Variants in CUBN observed in about 807,000 individuals in gnomAD.
The protein encoded by CUBN is cubilin.
CUBN carries 282 observed loss-of-function variants against 405.3 expected under a neutral mutation model. The observed-to-expected ratio is 0.70, with a 90% confidence interval of 0.63 to 0.77. CUBN has a LOEUF of 0.77. Ranked by LOEUF, CUBN falls within the 30% of genes least tolerant of loss-of-function variation. CUBN has a pLI of 0.00. For missense variants in CUBN, 4,514 were observed against 4,475.2 expected, an observed-to-expected ratio of 1.01 and a Z score of -0.25; for synonymous variants, 1,684 against 1,617.0, an observed-to-expected ratio of 1.04 and a Z score of -0.99.
chr10:16,910,720 C>G (rs765929674), intron 48 of CUBN, among the ~76,000 whole-genome samples: 1 of 151,340 alleles, frequency 6.6e-6, no homozygotes, highest in Admixed American at 6.6e-5. Flanking sequence ...GAAAACTGAC[C>G]CCAAATGAGC....
chr10:16,956,083 G>A (rs1843056050), intron 31 of CUBN, among the ~76,000 whole-genome samples: 1 of 152,200 alleles, frequency 6.6e-6, no homozygotes, highest in Admixed American at 6.5e-5. Flanking sequence ...TTAAAAATCT[G>A]GTGATGATTA....
At chr10:16,839,469 T>C (rs1280878451) in intron 62 of CUBN, among the ~76,000 whole-genome samples, 2 of 151,236 alleles carry the variant, frequency 1.3e-5, no homozygotes, top group South Asian at 2.1e-4. Context: ...GAAAAAATGC[T>C]CATCATCACT....
chr10:16,888,384 T>A (rs1388917702), intron 56 of CUBN, 33 bp downstream of exon 56: 1 of 1,568,204 alleles, frequency 6.4e-7, no homozygotes, highest in East Asian at 2.3e-5. Context: ...TGTTTGTCAA[T>A]TAAACGTAAT....
Position 16,913,890 on chromosome 10 carries a change from G to C in CUBN, c.7454C>G (p.Pro2485Arg). 4 of 1,614,084 alleles carry C rather than the reference G, an allele frequency of 2.5e-6. No individual in the cohort carries two copies. The highest frequency in any genetic ancestry group is 3.4e-6 in the Non-Finnish European group (4 of 1,180,014). Residue 2485 changes from proline to arginine, a missense_variant, in exon 48 of 67, where the codon CCG becomes CGG. By Grantham distance (103) the Pro-to-Arg change is moderately radical. Around this residue, in one of 5 missense-constraint regions of CUBN, gnomAD observed 1,613 missense variants for 1,542.8 expected, o/e 1.05. Transcript: ENST00000377833. ...GRICEWRITA[P>R]EGRRITLMFN... ...CATTAGGGTGATCCGCCTTCCCTCCGGGGCAGTGATTCTCCACTCGCAGAT... is the reference window on the plus strand; with the variant it reads ...CATTAGGGTGATCCGCCTTCCCTCCCGGGCAGTGATTCTCCACTCGCAGAT...
At chr10:16,825,628 A>AGTGTGT (rs377156071) in intron 66 of CUBN, among the ~76,000 whole-genome samples, 10,440 of 135,818 alleles carry the variant, frequency 0.077, 443 homozygotes, top group African/African-American at 0.1. Context: ...TCTGTGGAAC[A>AGTGTGT]GTGTGTGTGT....
intron 9 of CUBN, among the ~76,000 whole-genome samples, chr10:17,110,483 G>A (rs1242496727): frequency 6.6e-6 from 1 of 152,072 alleles, no homozygotes; most frequent in African/African-American, 2.4e-5. Context: ...CACAAGATAA[G>A]CAAAACTTTC....
intron 28 of CUBN, among the ~76,000 whole-genome samples, chr10:16,993,848 T>C (rs1387156881): frequency 2.0e-5 from 3 of 152,150 alleles, no homozygotes; most frequent in Non-Finnish European, 1.5e-5. Context: ...AGGAAAAATA[T>C]TGTATGATCA....
chr10:17,050,108 T>C (rs1564494573), intron 22 of CUBN, among the ~76,000 whole-genome samples: 1 of 152,236 alleles, frequency 6.6e-6, no homozygotes, highest in East Asian at 1.9e-4. Context: ...ACCCCTAAAC[T>C]CCAATCCTAC....
chr10:17,041,078 T>C lies in CUBN; in HGVS notation c.3972A>G (p.Ala1324=). Residue 1324 remains alanine, a synonymous_variant, in exon 27 of 67, where the codon GCA becomes GCG. Transcript: ENST00000377833. ...TGNTVNYTFL[A]FDLEHHINCS... ...AGTTTATGTGATGTTCCAAGTCAAA[T>C]GCTAAAAATGTGTAGTTCACAGTGT... The C allele has an allele frequency of 1.2e-6, 2 of 1,613,832 alleles. No homozygotes were observed. The highest frequency in any genetic ancestry group is 1.7e-6 in the Non-Finnish European group (2 of 1,179,772).
chr10:17,035,819 G>C (rs890580266), intron 27 of CUBN, among the ~76,000 whole-genome samples: 1 of 141,334 alleles, frequency 7.1e-6, no homozygotes, highest in Non-Finnish European at 1.6e-5. Flanking sequence ...GGAAACAGCA[G>C]GCACTGGGGC....
rs138031354 is a variant in CUBN at position 16,912,905 on chromosome 10, C to G, written c.7533+906G>C. 1.4e-4 allele frequency among the ~76,000 whole-genome samples: 21 copies of G among 152,312 alleles called. No homozygotes were observed. In the East Asian group the frequency reaches 3.5e-3, roughly 25 times the overall value. On this transcript the variant is annotated intron_variant, in intron 48 of 66. Coordinates refer to ENST00000377833, the MANE Select transcript of CUBN (RefSeq NM_001081.4). ...TGATCCGATTGAGGTTTAAAACCAT[C>G]ACATGCTGCTGTGTTGAGAACGTAG...
intron 59 of CUBN, among the ~76,000 whole-genome samples, chr10:16,863,138 C>T (rs988076920): frequency 2.6e-5 from 4 of 152,156 alleles, no homozygotes; most frequent in African/African-American, 9.7e-5. Context: ...TTCTTTATCC[C>T]GTTCCCACAT....
intron 22 of CUBN, among the ~76,000 whole-genome samples, chr10:17,065,083 T>C (rs976246056): frequency 1.3e-5 from 2 of 151,730 alleles, no homozygotes; most frequent in Non-Finnish European, 2.9e-5. Flanking sequence ...AGATTTATTA[T>C]GTATTTGTAT....
At chr10:17,002,434 G>A (rs746304159) in intron 28 of CUBN, among the ~76,000 whole-genome samples, 17 of 150,226 alleles carry the variant, frequency 1.1e-4, no homozygotes, top group Admixed American at 8.8e-4. Context: ...GATTTGGGAA[G>A]GTCATGGTGG....
intron 28 of CUBN, among the ~76,000 whole-genome samples, chr10:17,013,131 A>G (rs1340122135): frequency 1.3e-5 from 2 of 152,138 alleles, no homozygotes; most frequent in Admixed American, 6.5e-5. Flanking sequence ...CTTTTAAAGG[A>G]ATAGGGTACA....
At chr10:17,014,295 G>A (rs1834265023) in intron 28 of CUBN, among the ~76,000 whole-genome samples, 1 of 152,182 alleles carries the variant, frequency 6.6e-6, no homozygotes, top group African/African-American at 2.4e-5. Context: ...GAAAAGTTTT[G>A]TCCTGTGGGA....
intron 27 of CUBN, among the ~76,000 whole-genome samples, chr10:17,036,902 C>T (rs1379568131): frequency 6.6e-6 from 1 of 152,088 alleles, no homozygotes; most frequent in Non-Finnish European, 1.5e-5. Flanking sequence ...GAGAGTGCTC[C>T]CGGGGTATGT....
At chr10:16,970,312 C>G (rs1843515794) in intron 31 of CUBN, among the ~76,000 whole-genome samples, 1 of 152,228 alleles carries the variant, frequency 6.6e-6, no homozygotes, top group African/African-American at 2.4e-5. Flanking sequence ...CGCCTATAAT[C>G]CCAGCATTCA....
chr10:16,994,177 A>G (rs2932889), intron 28 of CUBN, among the ~76,000 whole-genome samples: 132,280 of 152,140 alleles, frequency 0.87, 58,437 homozygotes, highest in Non-Finnish European at 0.96. Context: ...TAGCTTCCCA[A>G]TTCCATTTAT....
Sources: allele counts gnomAD v4.1 joint callset (sites outside exome capture counted in the v4.1 genomes callset), GRCh38; gene constraint gnomAD v4.1.1; regional missense constraint gnomAD v4.1.1; transcripts MANE v1.5; gene names NCBI Gene and HGNC (gene_info 2026-07-23, HGNC 2026-07-21).